The following KIAA1328 variants were observed in gnomAD, a reference collection of about 807,000 sequenced individuals.
KIAA1328 encodes protein hinderin.
A neutral mutation model predicts 68.1 loss-of-function variants in KIAA1328; 52 were observed. That is an observed-to-expected ratio of 0.76 (90% CI 0.61 to 0.96). The LOEUF is 0.96. KIAA1328 is among the 40% of genes least tolerant of loss of function. KIAA1328 has a pLI of 0.00. For missense variants in KIAA1328, 641 were observed against 677.6 expected, an observed-to-expected ratio of 0.95 and a Z score of 0.60; for synonymous variants, 232 against 239.4, an observed-to-expected ratio of 0.97 and a Z score of 0.28.
chr18:37,066,069 A>G (rs1443845420), intron 6 of KIAA1328, among the ~76,000 whole-genome samples: 3 of 152,204 alleles, frequency 2.0e-5, no homozygotes, highest in Non-Finnish European at 4.4e-5. Flanking sequence ...GGATGAAGCT[A>G]TAGTTTCATG....
At chr18:37,184,067 T>C (rs2059747679) in intron 9 of KIAA1328, among the ~76,000 whole-genome samples, 1 of 152,334 alleles carries the variant, frequency 6.6e-6, no homozygotes, top group African/African-American at 2.4e-5. Flanking sequence ...TAAATAAATA[T>C]TTGTTGGGTG....
At chr18:36,946,677 G>A (rs996248727) in intron 5 of KIAA1328, among the ~76,000 whole-genome samples, 11 of 151,944 alleles carry the variant, frequency 7.2e-5, no homozygotes, top group African/African-American at 2.7e-4. Flanking sequence ...GTACATAATG[G>A]GTTTTTTCTT....
chr18:36,923,275 G>T (rs2049994694), intron 5 of KIAA1328, among the ~76,000 whole-genome samples: 1 of 152,058 alleles, frequency 6.6e-6, no homozygotes. Context: ...CAAAACAAAT[G>T]AAACCAGAAG....
intron 7 of KIAA1328, among the ~76,000 whole-genome samples, chr18:37,131,580 A>AT (rs1568446308): frequency 1.3e-5 from 2 of 152,176 alleles, no homozygotes; most frequent in African/African-American, 4.8e-5. Flanking sequence ...AACAGTGAGC[A>AT]TTTTTGGTGA....
intron 6 of KIAA1328, among the ~76,000 whole-genome samples, chr18:36,979,612 C>T (rs2052604507): frequency 1.3e-5 from 2 of 152,100 alleles, no homozygotes; most frequent in South Asian, 4.1e-4. Flanking sequence ...TGGTATCAAG[C>T]AGGAAGATCC....
intron 3 of KIAA1328, among the ~76,000 whole-genome samples, chr18:36,837,224 G>A (rs576140105): frequency 1.3e-5 from 2 of 152,198 alleles, no homozygotes; most frequent in South Asian, 4.1e-4. Flanking sequence ...CAATGTATGA[G>A]GATTCAGATT....
downstream of KIAA1328, among the ~76,000 whole-genome samples, chr18:37,229,237 C>T (rs921593661): frequency 6.6e-6 from 1 of 152,180 alleles, no homozygotes; most frequent in Non-Finnish European, 1.5e-5. Flanking sequence ...GCATCGAAAA[C>T]TCCTGAAGCA....
At chr18:37,065,439 TC>T (rs1215670743) in intron 6 of KIAA1328, among the ~76,000 whole-genome samples, 2 of 152,202 alleles carry the variant, frequency 1.3e-5, no homozygotes, top group East Asian at 3.9e-4. Flanking sequence ...GTGGATTTGT[TC>T]CTTTCAGATT....
intron 1 of KIAA1328, chr18:36,829,496 T>C (rs1488161980): frequency 8.5e-7 from 1 of 1,170,114 alleles, no homozygotes; most frequent in Non-Finnish European, 1.1e-6. Context: ...GAGATGGCCC[T>C]CCGAGGTCCC....
At chr18:37,217,151 G>A (rs1390476411) in intron 9 of KIAA1328, among the ~76,000 whole-genome samples, 1 of 151,772 alleles carries the variant, frequency 6.6e-6, no homozygotes, top group South Asian at 2.1e-4. Flanking sequence ...TTTAATTGGG[G>A]CATTTAGCCC....
At chr18:36,956,093 TTATC>T (rs1416476523) in intron 5 of KIAA1328, among the ~76,000 whole-genome samples, 1 of 152,224 alleles carries the variant, frequency 6.6e-6, no homozygotes, top group Non-Finnish European at 1.5e-5. Flanking sequence ...TTACTTTTAC[TTATC>T]TATCTAATGC....
chr18:36,919,760 C>A (rs2049846829), intron 5 of KIAA1328, among the ~76,000 whole-genome samples: 1 of 152,066 alleles, frequency 6.6e-6, no homozygotes, highest in African/African-American at 2.4e-5. Flanking sequence ...TATTGATAGC[C>A]ATTCTGACTA....
chr18:36,987,751 T>G (rs1055824690), intron 6 of KIAA1328, among the ~76,000 whole-genome samples: 5 of 152,018 alleles, frequency 3.3e-5, no homozygotes, highest in African/African-American at 7.2e-5. Flanking sequence ...TAGATACATA[T>G]GGCAAAACTT....
chr18:37,174,229 A>G (rs139105768), intron 9 of KIAA1328, among the ~76,000 whole-genome samples: 314 of 152,320 alleles, frequency 2.1e-3, no homozygotes, highest in Non-Finnish European at 3.8e-3. Context: ...ATAGCTAACA[A>G]CAGGCAAAGC....
At chr18:36,873,148 T>A (rs891591825) in intron 4 of KIAA1328, among the ~76,000 whole-genome samples, 7 of 152,304 alleles carry the variant, frequency 4.6e-5, no homozygotes, top group African/African-American at 1.7e-4. Flanking sequence ...CTGGCTCATT[T>A]TGGTTTAATA....
rs1442247787 is a variant in KIAA1328, at chr18:37,025,586, A to G, written c.577-41304A>G. ...TAAGAAACTCACTCAAAACCGCTCA[A>G]CTACATGGAAACTGAACAACCTGCT... On this transcript the variant is annotated intron_variant, in intron 6 of 9. Transcript: ENST00000280020. 2.6e-5 allele frequency among the ~76,000 whole-genome samples: 4 copies of G among 152,226 alleles called. No individual in the cohort carries two copies. The South Asian group carries it at 8.3e-4, about 31-fold the overall frequency.
At chr18:36,989,299 T>C (rs2053072905) in intron 6 of KIAA1328, among the ~76,000 whole-genome samples, 1 of 152,220 alleles carries the variant, frequency 6.6e-6, no homozygotes, top group Admixed American at 6.5e-5. Context: ...TAGCCATCAG[T>C]GTTCATTTGC....
intron 5 of KIAA1328, among the ~76,000 whole-genome samples, chr18:36,948,274 T>G (rs2050986830): frequency 6.8e-6 from 1 of 146,564 alleles, no homozygotes; most frequent in Non-Finnish European, 1.5e-5. Context: ...TTTTTTTTTT[T>G]TTTTTTGAGA....
At chr18:37,076,971 C>G (rs2151777135) in intron 7 of KIAA1328, among the ~76,000 whole-genome samples, 1 of 152,278 alleles carries the variant, frequency 6.6e-6, no homozygotes, top group Middle Eastern at 3.4e-3. Flanking sequence ...GGAATCCTCC[C>G]TAACTCATTT....
Sources: allele counts gnomAD v4.1 joint callset (sites outside exome capture counted in the v4.1 genomes callset), GRCh38; gene constraint gnomAD v4.1.1; transcripts MANE v1.5; gene names NCBI Gene and HGNC (gene_info 2026-07-23, HGNC 2026-07-21).